Variants in ASAP3 observed in about 807,000 individuals in gnomAD.
ASAP3 encodes ArfGAP with SH3 domain, ankyrin repeat and PH domain 3.
A neutral mutation model predicts 118.2 loss-of-function variants in ASAP3; 85 were observed. The observed-to-expected ratio is 0.72, with a 90% CI of 0.60 to 0.86. ASAP3 has a LOEUF of 0.86. Among genes scored for constraint, ASAP3 ranks in the 40% least tolerant of loss-of-function variants. ASAP3 has a pLI of 0.00. For synonymous variants in ASAP3, 432 were observed against 477.4 expected (o/e 0.90, Z 1.24); for missense variants, 1,026 against 1,175.0 (o/e 0.87, Z 1.85).
In ASAP3 at chr1:23,439,233, A is replaced by G. The variant is rs113138388; in HGVS notation, c.945-3T>C. ...TTTTCTGCCAGACTCTTCGAATTCT[A>G]AAGCCCAGAGGGATAGAAGGACAGT... On this transcript the variant is annotated splice_region_variant and splice_polypyrimidine_tract_variant and intron_variant, in intron 10 of 24. Transcript: ENST00000336689. The G allele has an allele frequency of 1.2e-6, 2 of 1,613,918 alleles. No individual in the cohort carries two copies. The highest frequency in any genetic ancestry group is 1.1e-5 in the South Asian group (1 of 91,046).
chr1:23,448,485 T>A (rs1223627135), intron 5 of ASAP3, among the ~76,000 whole-genome samples: 1 of 152,070 alleles, frequency 6.6e-6, no homozygotes, highest in Admixed American at 6.5e-5. Flanking sequence ...AGAGACAAGG[T>A]CTAGCTCTGT....
chr1:23,442,132 C>T (rs914528726), intron 7 of ASAP3, 54 bp downstream of exon 7: 2 of 1,531,234 alleles, frequency 1.3e-6, no homozygotes, highest in Non-Finnish European at 1.8e-6. Context: ...TTGAGAGGGG[C>T]CTTGTTCTGT....
intron 1 of ASAP3, among the ~76,000 whole-genome samples, chr1:23,460,286 C>G (rs75223144): frequency 3.9e-5 from 6 of 152,214 alleles, no homozygotes; most frequent in Non-Finnish European, 7.4e-5. Flanking sequence ...GCTGGTGGAT[C>G]ACTTGAGGCC....
chr1:23,446,193 A>G (rs1641041892), intron 5 of ASAP3, among the ~76,000 whole-genome samples: 1 of 152,152 alleles, frequency 6.6e-6, no homozygotes, highest in Non-Finnish European at 1.5e-5. Context: ...AATGGACAAA[A>G]AGCAAACCAC....
intron 5 of ASAP3, 30 bp from the exon 6 acceptor site, chr1:23,442,642 A>C (rs759137999): frequency 1.2e-6 from 2 of 1,606,752 alleles, no homozygotes; most frequent in Non-Finnish European, 1.7e-6. Context: ...AAGCCTGAAC[A>C]AGTCTCACCA....
chr1:23,445,136 A>G lies in ASAP3; in HGVS notation c.474-2524T>C, dbSNP rs565358595. Among the ~76,000 whole-genome samples the G allele has an allele frequency of 7.2e-5, 11 of 152,040 alleles. No individual in the cohort carries two copies. In the South Asian group the frequency reaches 1.7e-3, roughly 23 times the overall value. ...TTGTGAATCTGAAAAAAAGCAGCAG[A>G]GAGGGGAGGTGATGGCTGGGCCTGC... On this transcript the variant is annotated intron_variant, in intron 5 of 24. Coordinates refer to ENST00000336689, the MANE Select transcript of ASAP3 (RefSeq NM_017707.4).
At chr1:23,459,280 A>G (rs757549062) in intron 1 of ASAP3, among the ~76,000 whole-genome samples, 9 of 152,036 alleles carry the variant, frequency 5.9e-5, no homozygotes, top group Non-Finnish European at 8.8e-5. Context: ...ATAAATGTTT[A>G]CCTAAATGAA....
intron 1 of ASAP3, among the ~76,000 whole-genome samples, chr1:23,463,750 C>T (rs867458555): frequency 4.6e-5 from 7 of 152,010 alleles, no homozygotes; most frequent in South Asian, 2.1e-4. Context: ...TACAGGTGCC[C>T]GCCACCATGC....
At chr1:23,443,305 C>T (rs1006689514) in intron 5 of ASAP3, among the ~76,000 whole-genome samples, 4 of 152,126 alleles carry the variant, frequency 2.6e-5, no homozygotes, top group African/African-American at 9.7e-5. Flanking sequence ...ACCCATCACC[C>T]GAATAGTGTA....
chr1:23,451,463 G>C lies in ASAP3; in HGVS notation c.473+16C>G. ...GCTACTCTCCCAGACAAACGACCCT[G>C]GCTGTGGCCACTTACATTTTGGCTT... On this transcript the variant is annotated intron_variant, in intron 5 of 24. Coordinates refer to ENST00000336689, the MANE Select transcript of ASAP3 (RefSeq NM_017707.4). 1 of 1,613,476 alleles carries C rather than the reference G, an allele frequency of 6.2e-7. No individual in the cohort carries two copies. The highest frequency in any genetic ancestry group is 8.5e-7 in the Non-Finnish European group (1 of 1,179,382).
At chr1:23,456,690 A>G (rs1641398886) in intron 1 of ASAP3, among the ~76,000 whole-genome samples, 1 of 152,188 alleles carries the variant, frequency 6.6e-6, no homozygotes, top group Non-Finnish European at 1.5e-5. Context: ...ACACATCTCT[A>G]TCTTCCCTTA....
chr1:23,456,410 A>G (rs1240798558), intron 1 of ASAP3, among the ~76,000 whole-genome samples: 1 of 152,182 alleles, frequency 6.6e-6, no homozygotes, highest in African/African-American at 2.4e-5. Context: ...CACTCCAAGA[A>G]GACCACAGAC....
At chr1:23,431,154 C>G (rs576473188) in intron 23 of ASAP3, 29 bp from the exon 24 acceptor site, 2 of 1,558,506 alleles carry the variant, frequency 1.3e-6, no homozygotes, top group Admixed American at 3.9e-5. Context: ...CCAACATGAC[C>G]CTCATGTCCA....
At position 23,429,632 on chromosome 1, in the gene ASAP3, G is replaced by T; in HGVS notation, c.*224C>A. ...CCACAGGGCTCCCAGGCCCCTAGCG[G>T]GTAATGAGATAGGAAAGAACCGCCA... On this transcript the variant is annotated 3_prime_UTR_variant, in exon 25 of 25. Transcript: ENST00000336689. 1 of 465,380 alleles carries T rather than the reference G, an allele frequency of 2.1e-6. No individual in the cohort carries two copies. Among genetic ancestry groups the T allele is most frequent in the Non-Finnish European group, 3.8e-6 (1 of 260,308 alleles). 28.8% of individuals were successfully genotyped at this position (465,380 alleles called of 1,614,324 possible). A position where few individuals can be genotyped will look rare whatever the true frequency, so the allele number is the denominator to read the frequency against.
rs1342045569 is a variant in ASAP3 at position 23,434,312 on chromosome 1, G to A, written c.1893C>T (p.Leu631=). 6.2e-7 allele frequency: 1 copy of A among 1,614,110 alleles called. No individual in the cohort carries two copies. The highest frequency in any genetic ancestry group is 1.3e-5 in the African/African-American group (1 of 74,936). The change falls in exon 19 of 25, where the codon CTC becomes CTT. Residue 631 remains leucine, a synonymous_variant. Transcript: ENST00000336689. The stretch of plus-strand genomic sequence containing the variant: ...GCTTGAGGCAGTCGGGCTGGTTGTA[G>A]AGTGCTGCGTAGTGCAGAGCCGTGT... ...DGNTALHYAA[L]YNQPDCLKLL...
At position 23,482,376 on chromosome 1, in the gene ASAP3, G is replaced by A. The variant is rs372591530; in HGVS notation, c.129+1629C>T. Among the ~76,000 whole-genome samples the A allele has an allele frequency of 2.0e-5, 3 of 152,196 alleles. No homozygotes were observed. The East Asian group carries it at 5.8e-4, about 29-fold the overall frequency. ...GTCTCTACTAAAAATACAAATATTA[G>A]CCGGGTGTGGTGGAGCATGCCTGTA... is the stretch of plus-strand genomic sequence containing the variant. On this transcript the variant is annotated intron_variant, in intron 1 of 24. Coordinates refer to ENST00000336689, the MANE Select transcript of ASAP3 (RefSeq NM_017707.4).
rs1640657962 is a variant in ASAP3 at position 23,436,461 on chromosome 1, C to T, written c.1571+99G>A. On this transcript the variant is annotated intron_variant, in intron 16 of 24. Transcript: ENST00000336689. This position sits in a 1 kb window ranked among gnomAD's most constrained non-coding sequence, Gnocchi z 4.2. ...TACAGGCGTGAGCCACTGCGCCCAGCCTCCCCAGACTTCTGATCCAAGACT... is the reference window on the plus strand; with the variant it reads ...TACAGGCGTGAGCCACTGCGCCCAGTCTCCCCAGACTTCTGATCCAAGACT... 1 of 1,370,302 alleles carries T rather than the reference C, an allele frequency of 7.3e-7. No homozygotes were observed. The allele number at this position is 1,370,302 out of a possible 1,614,324, so 84.9% of individuals were successfully genotyped here. A position where few individuals can be genotyped will look rare whatever the true frequency, so the allele number is the denominator to read the frequency against.
Position 23,437,398 on chromosome 1 carries a change from G to T in ASAP3, c.1151+26C>A, listed in dbSNP as rs763372841. 3 of 1,612,822 alleles carry T rather than the reference G, an allele frequency of 1.9e-6. No individual in the cohort carries two copies. In the East Asian group the frequency reaches 6.7e-5, roughly 36 times the overall value. ...CCGCCGGCCCCCACCCACAAGGCTG[G>T]CCGGGCTGGCCGAGGGGGCACTCAC... On this transcript the variant is annotated intron_variant, in intron 13 of 24. Transcript: ENST00000336689. The surrounding 1 kb of genome is among the most constrained non-coding windows in gnomAD (Gnocchi z 6.1).
At chr1:23,433,049 G>A in intron 22 of ASAP3, 28 bp downstream of exon 22, 1 of 1,612,146 alleles carries the variant, frequency 6.2e-7, no homozygotes. Context: ...ATGGCATGGT[G>A]AGCATTTATC....
Sources: allele counts gnomAD v4.1 joint callset (sites outside exome capture counted in the v4.1 genomes callset), GRCh38; gene constraint gnomAD v4.1.1; non-coding constraint Gnocchi (gnomAD v3.1); transcripts MANE v1.5; gene names NCBI Gene and HGNC (gene_info 2026-07-23, HGNC 2026-07-21).